The following SULF2 variants were observed in gnomAD, a reference collection of about 807,000 sequenced individuals.
SULF2 encodes the protein sulfatase 2, also known as extracellular sulfatase Sulf-2.
SULF2 carries 52 observed loss-of-function variants against 107.7 expected under a neutral mutation model. The observed-to-expected ratio is 0.48, with a 90% CI of 0.39 to 0.61. The LOEUF is 0.61. Ranked by LOEUF, SULF2 falls within the 20% of genes least tolerant of loss-of-function variation. The pLI, the probability that SULF2 is intolerant of heterozygous loss-of-function variation, is 0.00. For missense variants in SULF2, 993 were observed against 1,177.3 expected (o/e 0.84, Z 2.29); for synonymous variants, 460 against 464.3 (o/e 0.99, Z 0.12).
chr20:47,663,033 C>A, intron 17 of SULF2, 37 bp downstream of exon 17: 1 of 1,613,236 alleles, frequency 6.2e-7, no homozygotes, highest in Non-Finnish European at 8.5e-7. Context: ...ACTGGTGTAC[C>A]CCACACCCCC....
At chr20:47,713,738 A>C (rs1266349831) in intron 3 of SULF2, among the ~76,000 whole-genome samples, 2 of 143,902 alleles carry the variant, frequency 1.4e-5, no homozygotes, top group African/African-American at 5.2e-5. Flanking sequence ...CAACGGAGTG[A>C]GATTCTGTCT....
At chr20:47,686,849 G>A (rs2088021149) in intron 5 of SULF2, among the ~76,000 whole-genome samples, 1 of 152,154 alleles carries the variant, frequency 6.6e-6, no homozygotes, top group Admixed American at 6.6e-5. Context: ...GAATCCATCA[G>A]GGCCCATGCT....
Position 47,755,528 on chromosome 20 carries a change from C to T in SULF2, c.175+1661G>A, listed in dbSNP as rs147100481. On this transcript the variant is annotated intron_variant, in intron 2 of 20. Transcript: ENST00000688720. The stretch of plus-strand genomic sequence containing the variant: ...CCAAATCTAGCGGCTGCCCTTGAAA[C>T]GTATCTTTTCCATAACCCACATACC... Among the ~76,000 whole-genome samples the T allele has an allele frequency of 3.7e-3, 568 of 152,196 alleles. 5 individuals are homozygous for T. The highest frequency in any genetic ancestry group is 0.013 in the African/African-American group (520 of 41,532).
chr20:47,705,839 T>G (rs1416179872), intron 3 of SULF2, among the ~76,000 whole-genome samples: 1 of 151,706 alleles, frequency 6.6e-6, no homozygotes, highest in Non-Finnish European at 1.5e-5. Context: ...CTCGCTGTTT[T>G]CCAGGCTGGA....
At chr20:47,705,478 C>T (rs1346291425) in intron 3 of SULF2, among the ~76,000 whole-genome samples, 1 of 152,164 alleles carries the variant, frequency 6.6e-6, no homozygotes, top group Non-Finnish European at 1.5e-5. Context: ...GGAGTGGAGG[C>T]AGCATGAGAT....
chr20:47,756,181 C>G (rs2090278341), intron 2 of SULF2, among the ~76,000 whole-genome samples: 2 of 152,082 alleles, frequency 1.3e-5, no homozygotes, highest in African/African-American at 4.8e-5. Context: ...GCCTGCAAGA[C>G]CCCTCTGCAA....
intron 13 of SULF2, 28 bp downstream of exon 13, chr20:47,665,829 G>A: frequency 6.3e-7 from 1 of 1,599,946 alleles, no homozygotes; most frequent in Middle Eastern, 1.7e-4. Flanking sequence ...GTGGCCGAGA[G>A]CATGCTCCTC....
Position 47,676,477 on chromosome 20 carries a change from G to C in SULF2, c.1380+17C>G. On this transcript the variant is annotated intron_variant, in intron 10 of 20. Transcript: ENST00000688720. ...GTCAGGAGGGGGAGCCGTTGGGAGG[G>C]AAGGGAGCCTTCTTACCTGTCCCAG... 1 of 1,604,890 alleles carries C rather than the reference G, an allele frequency of 6.2e-7. No individual in the cohort carries two copies. The highest frequency in any genetic ancestry group is 8.5e-7 in the Non-Finnish European group (1 of 1,176,892).
chr20:47,749,264 C>G (rs1244873167), intron 2 of SULF2, among the ~76,000 whole-genome samples: 1 of 152,240 alleles, frequency 6.6e-6, no homozygotes, highest in East Asian at 1.9e-4. Flanking sequence ...GTTTAAGCCA[C>G]TGTTATTTTA....
chr20:47,713,345 C>CT (rs2088996697), intron 3 of SULF2, among the ~76,000 whole-genome samples: 1 of 152,050 alleles, frequency 6.6e-6, no homozygotes, highest in Admixed American at 6.5e-5. Context: ...CCCTCCTCCC[C>CT]CCGTAAAGAA....
At chr20:47,721,997 AC>A (rs1279583119) in intron 3 of SULF2, among the ~76,000 whole-genome samples, 1 of 152,166 alleles carries the variant, frequency 6.6e-6, no homozygotes, top group Non-Finnish European at 1.5e-5. Context: ...AGCTGGGGTC[AC>A]CACACTGGGG....
rs115197471 is a variant in SULF2, at chr20:47,726,094, C to T, written c.415+10609G>A. Reference sequence around the variant, plus strand: ...AGATTGGATTACAGATGAGGAATCACGGAAAGCACTCACCTAAAGTTCGAC... The same window carrying T: ...AGATTGGATTACAGATGAGGAATCATGGAAAGCACTCACCTAAAGTTCGAC... On this transcript the variant is annotated intron_variant, in intron 3 of 20. Coordinates refer to ENST00000688720, the MANE Select transcript of SULF2 (RefSeq NM_001387048.1). 6.2e-3 allele frequency among the ~76,000 whole-genome samples: 942 copies of T among 152,240 alleles called. 11 individuals are homozygous for T. The highest frequency in any genetic ancestry group is 0.022 in the African/African-American group (899 of 41,532).
At chr20:47,686,716 G>A (rs1440776864) in intron 5 of SULF2, among the ~76,000 whole-genome samples, 1 of 152,214 alleles carries the variant, frequency 6.6e-6, no homozygotes, top group South Asian at 2.1e-4. Flanking sequence ...TGACGCTGCC[G>A]CTGGGGTAGC....
At chr20:47,747,830 C>T (rs971760047) in intron 2 of SULF2, among the ~76,000 whole-genome samples, 7 of 152,046 alleles carry the variant, frequency 4.6e-5, no homozygotes, top group East Asian at 1.9e-4. Context: ...GAGTCATCCC[C>T]GATTCCTCTT....
chr20:47,721,049 T>C (rs1258580172), intron 3 of SULF2, among the ~76,000 whole-genome samples: 1 of 152,184 alleles, frequency 6.6e-6, no homozygotes, highest in African/African-American at 2.4e-5. Flanking sequence ...GCTCCACAGC[T>C]CTCAGGGCTG....
intron 3 of SULF2, among the ~76,000 whole-genome samples, chr20:47,730,910 C>T (rs2089582205): frequency 6.6e-6 from 1 of 152,170 alleles, no homozygotes; most frequent in African/African-American, 2.4e-5. Context: ...TGCTGCAGAG[C>T]AGGTGATCCA....
intron 3 of SULF2, 48 bp downstream of exon 3, chr20:47,736,655 C>T (rs1225091529): frequency 6.2e-6 from 10 of 1,609,154 alleles, no homozygotes; most frequent in Non-Finnish European, 8.5e-6. Context: ...TAGGGACGCC[C>T]GCCCTGGCTG....
rs1376007344 is a variant in SULF2, at chr20:47,725,934, C to T, written c.415+10769G>A. On this transcript the variant is annotated intron_variant, in intron 3 of 20. Transcript: ENST00000688720. ...GTGGGCTGGCACAACCTGCTGGCCC[C>T]GGGATGGATGGTGTCTGCTGCTCGG... 2.6e-5 allele frequency among the ~76,000 whole-genome samples: 4 copies of T among 152,180 alleles called. No homozygotes were observed. In the East Asian group the frequency reaches 5.8e-4, roughly 22 times the overall value.
chr20:47,755,086 C>T (rs1345076645), intron 2 of SULF2, among the ~76,000 whole-genome samples: 1 of 152,190 alleles, frequency 6.6e-6, no homozygotes, highest in East Asian at 1.9e-4. Flanking sequence ...GATCCTCAGG[C>T]TCCCAAAATG....
Sources: allele counts gnomAD v4.1 joint callset (sites outside exome capture counted in the v4.1 genomes callset), GRCh38; gene constraint gnomAD v4.1.1; transcripts MANE v1.5; gene names NCBI Gene and HGNC (gene_info 2026-07-23, HGNC 2026-07-21).